Variants in THRAP3 observed in about 807,000 individuals in gnomAD.
THRAP3 encodes the protein thyroid hormone receptor-associated protein 3.
In THRAP3, 16 loss-of-function variants were observed where a neutral mutation model predicts 101.0. The observed-to-expected ratio is 0.16, with a 90% CI of 0.11 to 0.24. The LOEUF (loss-of-function observed/expected upper bound fraction) is 0.24, where lower values mean the gene tolerates loss of function less well. Ranked by LOEUF, THRAP3 falls within the 10% of genes least tolerant of loss-of-function variation. THRAP3 has a pLI of 1.00. For synonymous variants in THRAP3, 407 were observed against 422.6 expected (o/e 0.96, Z 0.45); for missense variants, 989 against 1,202.7 (o/e 0.82, Z 2.63).
intron 1 of THRAP3, among the ~76,000 whole-genome samples, chr1:36,229,949 GC>G (rs1458575828): frequency 1.8e-5 from 2 of 108,916 alleles, no homozygotes; most frequent in Admixed American, 1.3e-4. Context: ...ATCGCGCCCA[GC>G]CTTTTTTTTT....
At chr1:36,240,081 A>G (rs1015310783) in intron 1 of THRAP3, among the ~76,000 whole-genome samples, 1 of 152,220 alleles carries the variant, frequency 6.6e-6, no homozygotes, top group African/African-American at 2.4e-5. Context: ...ACAGAAATTC[A>G]TCAACCCCCC....
chr1:36,248,368 T>C (rs1466066610), intron 1 of THRAP3, among the ~76,000 whole-genome samples: 1 of 151,798 alleles, frequency 6.6e-6, no homozygotes, highest in African/African-American at 2.4e-5. Context: ...CTCGAACTCC[T>C]AGCCTCAAGT....
chr1:36,252,057 A>G (rs1645307827), intron 1 of THRAP3, among the ~76,000 whole-genome samples: 1 of 152,236 alleles, frequency 6.6e-6, no homozygotes, highest in South Asian at 2.1e-4. Flanking sequence ...ATATTAAAAA[A>G]TATCAGTTCC....
At chr1:36,237,328 C>T (rs551280555) in intron 1 of THRAP3, among the ~76,000 whole-genome samples, 10 of 151,624 alleles carry the variant, frequency 6.6e-5, no homozygotes, top group East Asian at 5.8e-4. Flanking sequence ...ATCAGCTGGG[C>T]GTGTTGGCAA....
chr1:36,300,401 G>A (rs1646017487), intron 9 of THRAP3, among the ~76,000 whole-genome samples: 1 of 152,174 alleles, frequency 6.6e-6, no homozygotes, highest in East Asian at 1.9e-4. Flanking sequence ...CAGCTATGTT[G>A]GTGTAAAGTG....
chr1:36,284,909 A>T (rs1645776671), intron 3 of THRAP3, among the ~76,000 whole-genome samples: 3 of 152,210 alleles, frequency 2.0e-5, no homozygotes, highest in Admixed American at 6.5e-5. Context: ...CTGTTTTCAA[A>T]TGAAAAGTGT....
chr1:36,236,252 A>AAGGT (rs1557807694), intron 1 of THRAP3, among the ~76,000 whole-genome samples: 1 of 50,204 alleles, frequency 2.0e-5, no homozygotes, highest in African/African-American at 3.8e-5. Flanking sequence ...TTCATGACAG[A>AAGGT]CTGGGCGCAA....
intron 4 of THRAP3, chr1:36,288,313 CCTT>C (rs2124604030): frequency 1.1e-6 from 1 of 884,568 alleles, no homozygotes; most frequent in South Asian, 5.2e-5. Context: ...CCCCTCCCAT[CCTT>C]CTCCTTGAGT....
intron 1 of THRAP3, among the ~76,000 whole-genome samples, chr1:36,256,686 C>T (rs917952353): frequency 3.3e-5 from 5 of 152,230 alleles, no homozygotes; most frequent in African/African-American, 4.8e-5. Context: ...TGGCTGCCCT[C>T]ATTACCCAGA....
At chr1:36,273,699 A>G (rs2124546423) in intron 2 of THRAP3, among the ~76,000 whole-genome samples, 1 of 152,316 alleles carries the variant, frequency 6.6e-6, no homozygotes, top group Middle Eastern at 3.4e-3. Context: ...ACTAAAAACC[A>G]ATTAGAGCTA....
At chr1:36,293,776 A>G in intron 7 of THRAP3, 75 bp from the exon 8 acceptor site, 2 of 1,299,052 alleles carry the variant, frequency 1.5e-6, no homozygotes, top group Non-Finnish European at 1.1e-6. Context: ...CTATTAGCCA[A>G]CTTAAGAGCT....
intron 11 of THRAP3, among the ~76,000 whole-genome samples, chr1:36,303,094 C>A (rs980421953): frequency 3.3e-5 from 5 of 151,508 alleles, no homozygotes; most frequent in African/African-American, 1.2e-4. Flanking sequence ...TACAGGCGCA[C>A]ACCCCCATGC....
At chr1:36,225,657 TGGAAGTAC>T (rs1644953964) in intron 1 of THRAP3, among the ~76,000 whole-genome samples, 1 of 152,142 alleles carries the variant, frequency 6.6e-6, no homozygotes, top group South Asian at 2.1e-4. Context: ...TTTTCGTTTG[TGGAAGTAC>T]TGTTGTAGTC....
intron 4 of THRAP3, 77 bp from the exon 5 acceptor site, chr1:36,288,983 C>A: frequency 2.2e-6 from 3 of 1,395,088 alleles, no homozygotes; most frequent in South Asian, 2.0e-5. Context: ...AATCAAAAAC[C>A]AAAAACGGTA....
chr1:36,280,931 ATTTT>A (rs903145018), intron 2 of THRAP3, among the ~76,000 whole-genome samples: 1 of 149,400 alleles, frequency 6.7e-6, no homozygotes, highest in African/African-American at 2.5e-5. Context: ...ATTTTTATTT[ATTTT>A]TTTTTTTGAG....
chr1:36,214,054 GA>G, the THRAP3 span, among the ~76,000 whole-genome samples: 104 of 117,566 alleles, frequency 8.8e-4, 1 homozygote, highest in East Asian at 1.5e-3. Flanking sequence ...AAGAAAGAAA[GA>G]AAGAAAGAAA....
intron 8 of THRAP3, among the ~76,000 whole-genome samples, chr1:36,295,578 C>CCTTCCCTCCTTCCTTCCTTCCTTCCT (rs1570346193): frequency 2.4e-5 from 1 of 41,344 alleles, no homozygotes; most frequent in East Asian, 1.3e-3. Context: ...CCTTCCTTCC[C>CCTTCCCTCCTTCCTTCCTTCCTTCCT]TCCTCCCTTC....
intron 4 of THRAP3, chr1:36,288,225 T>C: frequency 1.2e-6 from 1 of 820,160 alleles, no homozygotes; most frequent in African/African-American, 1.9e-5. Flanking sequence ...AGTTTGTTAA[T>C]GGTGATTTCT....
chr1:36,287,938 A>G (rs1183531240), intron 4 of THRAP3: 2 of 984,244 alleles, frequency 2.0e-6, no homozygotes, highest in East Asian at 2.3e-4. Flanking sequence ...GGTTACAGGG[A>G]AGTTGCACTG....
Sources: allele counts gnomAD v4.1 joint callset (sites outside exome capture counted in the v4.1 genomes callset), GRCh38; gene constraint gnomAD v4.1.1; transcripts MANE v1.5; gene names NCBI Gene and HGNC (gene_info 2026-07-23, HGNC 2026-07-21).